Variants in NUP58 observed in about 807,000 individuals in gnomAD.
The protein encoded by NUP58 is nucleoporin p58/p45.
Under a neutral mutation model 70.1 loss-of-function variants are expected in NUP58, and 17 were observed. That is an observed-to-expected ratio of 0.24 (90% CI 0.17 to 0.36). NUP58 has a LOEUF of 0.36. Ranked by LOEUF, NUP58 falls within the 10% of genes least tolerant of loss-of-function variation. The pLI is 1.00. For missense variants in NUP58, 644 were observed against 701.5 expected, an observed-to-expected ratio of 0.92 and a Z score of 0.93; for synonymous variants, 275 against 257.6, an observed-to-expected ratio of 1.07 and a Z score of -0.65.
intron 13 of NUP58, chr13:25,335,865 G>A: frequency 1.9e-6 from 2 of 1,060,898 alleles, no homozygotes; most frequent in Non-Finnish European, 2.3e-6. Context: ...ACTGATCACT[G>A]TGCTTGAAAA....
intron 12 of NUP58, 51 bp from the exon 13 acceptor site, chr13:25,331,297 ACATATTAAC>A (rs1301114349): frequency 1.4e-6 from 2 of 1,449,500 alleles, no homozygotes; most frequent in Non-Finnish European, 1.9e-6. Context: ...ATATTCATCC[ACATATTAAC>A]CATAGTCAAT....
chr13:25,301,832 G>A lies in NUP58; in HGVS notation c.59G>A (p.Gly20Asp). The change falls in exon 1 of 16, where the codon GGC (glycine) becomes GAC (aspartate). Residue 20 changes from glycine to aspartate, a missense_variant. Coordinates refer to ENST00000381736, the MANE Select transcript of NUP58 (RefSeq NM_014089.4). ...GTLGSTTVAA[G>D]GTSTGGVFSF... ...CTGGGCTCCACCACCGTGGCCGCCG[G>A]CGGGACCAGCACAGGCGGCGTTTTC... 1.9e-6 allele frequency: 3 copies of A among 1,613,658 alleles called. No individual in the cohort carries two copies. Among genetic ancestry groups the A allele is most frequent in the East Asian group, 2.2e-5 (1 of 44,850 alleles).
chr13:25,329,672 T>C (rs1419312687), intron 12 of NUP58, among the ~76,000 whole-genome samples: 1 of 152,212 alleles, frequency 6.6e-6, no homozygotes, highest in Non-Finnish European at 1.5e-5. Flanking sequence ...AGACATTTTT[T>C]TGTTCGTTTT....
chr13:25,305,129 G>GTT (rs1566054875), intron 1 of NUP58, among the ~76,000 whole-genome samples: 2 of 72,050 alleles, frequency 2.8e-5, no homozygotes, highest in African/African-American at 9.0e-5. Context: ...AGATCTGTGG[G>GTT]GTTTTTTTTT....
chr13:25,310,426 GTCAGGCTGGTCTCGAACTCCCAACC>G (rs888504169), intron 3 of NUP58, among the ~76,000 whole-genome samples: 1 of 150,976 alleles, frequency 6.6e-6, no homozygotes. Context: ...CTCCATGTTG[GTCAGGCTGGTCTCGAACTCCCAACC>G]TCAGGTGATC....
Position 25,319,438 on chromosome 13 carries a change from A to G in NUP58, c.710+88A>G. ...GCAGATGGTATAATTGAAAGTAAATATCATATACATTTAGGAGAAAAAACT... is the reference window on the plus strand; with the variant it reads ...GCAGATGGTATAATTGAAAGTAAATGTCATATACATTTAGGAGAAAAAACT... On this transcript the variant is annotated intron_variant, in intron 7 of 15. Transcript: ENST00000381736. 2.4e-6 allele frequency: 3 copies of G among 1,250,078 alleles called. No individual in the cohort carries two copies. In the South Asian group the frequency reaches 3.9e-5, roughly 16 times the overall value. The allele number at this position is 1,250,078 out of a possible 1,614,324, so 77.4% of individuals were successfully genotyped here.
chr13:25,333,366 T>G (rs1478343390), intron 13 of NUP58: 1 of 985,314 alleles, frequency 1.0e-6, no homozygotes, highest in Non-Finnish European at 1.2e-6. Flanking sequence ...AGCCTTTTGC[T>G]CATAGGCTTT....
In NUP58 at chr13:25,331,553, C is replaced by G. The variant is rs140234080; in HGVS notation, c.1430C>G (p.Ala477Gly). The G allele has an allele frequency of 3.1e-6, 5 of 1,613,712 alleles. No individual in the cohort carries two copies. The highest frequency in any genetic ancestry group is 4.2e-6 in the Non-Finnish European group (5 of 1,179,886). ...ACACTTACACAGCAGCAACAGCCTG[C>G]TACAGGTCTGAACGCATTCAAGTTA... The part of the protein sequence containing the change: ...AATLTQQQQP[A>G]TGPQPSLGVS... Residue 477 changes from alanine (A) to glycine (G), a missense_variant, in exon 13 of 16, where the codon GCT becomes GGT. Coordinates refer to ENST00000381736, the MANE Select transcript of NUP58 (RefSeq NM_014089.4).
downstream of NUP58, among the ~76,000 whole-genome samples, chr13:25,342,597 AAACAGTG>A (rs1446493454): frequency 2.6e-5 from 4 of 152,288 alleles, no homozygotes; most frequent in East Asian, 7.7e-4. Context: ...AAAATGACAA[AAACAGTG>A]AACATTTTTA....
rs543634914 is a variant in NUP58 at position 25,330,920 on chromosome 13, CT to C, written c.1234-429del. 2.4e-4 allele frequency among the ~76,000 whole-genome samples: 37 copies of C among 151,872 alleles called. No homozygotes were observed. In the South Asian group the frequency reaches 6.4e-3, roughly 26 times the overall value. ...TAAAAGTATGTATATTTAGTGCTGA[CT>C]TTTTTTTCTTTCTTTTTTTTTTAAA... On this transcript the variant is annotated intron_variant, in intron 12 of 15. Transcript: ENST00000381736.
intron 9 of NUP58, among the ~76,000 whole-genome samples, chr13:25,323,948 A>G (rs2031290365): frequency 6.6e-6 from 1 of 152,172 alleles, no homozygotes; most frequent in Non-Finnish European, 1.5e-5. Flanking sequence ...CAGAGGCCTC[A>G]AGTGGGCATT....
rs1207098231 is a variant in NUP58, at chr13:25,340,870, A to G, written c.*736A>G. ...GAGGTGGGGGTTGCAGTGAGCCGAGATCACACCACTGCACTCCAGCCTGGG... is the reference window on the plus strand; with the variant it reads ...GAGGTGGGGGTTGCAGTGAGCCGAGGTCACACCACTGCACTCCAGCCTGGG... On this transcript the variant is annotated 3_prime_UTR_variant, in exon 16 of 16. Transcript: ENST00000381736. The G allele has an allele frequency of 2.0e-5, 3 of 151,694 alleles. No individual in the cohort carries two copies. The highest frequency in any genetic ancestry group is 7.3e-5 in the African/African-American group (3 of 41,180). The allele number at this position is 151,694 out of a possible 1,614,324, so 9.4% of individuals were successfully genotyped here. A position where few individuals can be genotyped will look rare whatever the true frequency, so the allele number is the denominator to read the frequency against.
chr13:25,337,837 T>C (rs1020492264), intron 14 of NUP58, among the ~76,000 whole-genome samples: 1 of 152,162 alleles, frequency 6.6e-6, no homozygotes, highest in African/African-American at 2.4e-5. Flanking sequence ...ACATTTCTTA[T>C]TGTTACAGGC....
At chr13:25,342,561 T>A (rs532729824), downstream of NUP58, 2 of 152,644 alleles carry the variant, frequency 1.3e-5, no homozygotes, top group South Asian at 4.1e-4. Flanking sequence ...GATAGTAAAT[T>A]ATTTCTCACT....
chr13:25,338,564 G>A, intron 14 of NUP58, 72 bp from the exon 15 acceptor site: 3 of 1,102,854 alleles, frequency 2.7e-6, no homozygotes, highest in Admixed American at 1.8e-5. Context: ...ATGATTTTCG[G>A]TTGTACTTGT....
chr13:25,339,900 CCTGTTTTTAT>C, intron 15 of NUP58, 55 bp from the exon 16 acceptor site: 4 of 1,363,974 alleles, frequency 2.9e-6, no homozygotes, highest in Non-Finnish European at 4.0e-6. Context: ...ACTGCTCCTC[CCTGTTTTTAT>C]ATTTGTTTTT....
Position 25,336,966 on chromosome 13 carries a change from G to T in NUP58, c.1466G>T (p.Gly489Val). 6.2e-7 allele frequency: 1 copy of T among 1,604,806 alleles called. No individual in the cohort carries two copies. Among genetic ancestry groups the T allele is most frequent in the Non-Finnish European group, 8.5e-7 (1 of 1,177,112 alleles). ...CAGCCATCTCTGGGAGTTAGTTTTG[G>T]AACGCCATTCGGCTCAGGTATTGGC... Reference protein sequence around the residue: ...GPQPSLGVSFGTPFGSGIGTG... With the variant: ...GPQPSLGVSFVTPFGSGIGTG... Residue 489 changes from glycine to valine, a missense_variant, in exon 14 of 16, where the codon GGA becomes GTA. This residue lies in a region of NUP58 where 132 missense variants were observed against 203.9 expected (regional missense o/e 0.65). Transcript: ENST00000381736.
In NUP58 at chr13:25,342,243, T is replaced by C. The variant is rs2031979814; in HGVS notation, c.*2109T>C. 1 of 152,638 alleles carries C rather than the reference T, an allele frequency of 6.6e-6. No individual in the cohort carries two copies. The highest frequency in any genetic ancestry group is 1.5e-5 in the Non-Finnish European group (1 of 68,024). 9.5% of individuals were successfully genotyped at this position (152,638 alleles called of 1,614,324 possible). A position where few individuals can be genotyped will look rare whatever the true frequency, so the allele number is the denominator to read the frequency against. On this transcript the variant is annotated 3_prime_UTR_variant, in exon 16 of 16. Coordinates refer to ENST00000381736, the MANE Select transcript of NUP58 (RefSeq NM_014089.4). ...ATTGTACTGCAAAAATCTGAATATT[T>C]ATATTTCTTGTTTTTTTCTTTATAT...
intron 1 of NUP58, among the ~76,000 whole-genome samples, chr13:25,302,588 A>G (rs1448040773): frequency 6.6e-6 from 1 of 152,226 alleles, no homozygotes; most frequent in East Asian, 1.9e-4. Flanking sequence ...AAACATAACT[A>G]TCCAGAAAGA....
Sources: gnomAD v4.1 joint callset for allele counts (sites outside exome capture counted in the v4.1 genomes callset) on GRCh38, gnomAD v4.1.1 for gene constraint, gnomAD v4.1.1 regional missense constraint, MANE v1.5 for transcripts, NCBI Gene and HGNC (gene_info 2026-07-23, HGNC 2026-07-21) for gene names.